The following TMEM238L variants were observed in gnomAD, a reference collection of about 807,000 sequenced individuals.
The protein encoded by TMEM238L is transmembrane protein 238-like.
chr17:10,799,390 G>C (rs1904663016), intron 1 of TMEM238L, among the ~76,000 whole-genome samples: 1 of 152,142 alleles, frequency 6.6e-6, no homozygotes, highest in South Asian at 2.1e-4. Flanking sequence ...TAGAGACGGG[G>C]TTTCACTATG....
chr17:10,800,169 T>G (rs1297085527), intron 1 of TMEM238L, among the ~76,000 whole-genome samples: 1 of 152,066 alleles, frequency 6.6e-6, no homozygotes, highest in Non-Finnish European at 1.5e-5. Flanking sequence ...CCTGACCTCG[T>G]GATCCGCCCG....
intron 1 of TMEM238L, among the ~76,000 whole-genome samples, chr17:10,797,480 C>T (rs1381223813): frequency 6.8e-6 from 1 of 146,836 alleles, no homozygotes; most frequent in East Asian, 2.0e-4. Context: ...ATCTCATCCA[C>T]ATGTCTCTAA....
chr17:10,803,880 G>A (rs776796060), exon 1 of TMEM238L: 2 of 399,774 alleles, frequency 5.0e-6, no homozygotes, highest in Non-Finnish European at 4.4e-6. Flanking sequence ...GGACCAGGCC[G>A]ACCGCGTCCA....
chr17:10,802,475 C>T (rs1181908337), intron 1 of TMEM238L: 1 of 152,290 alleles, frequency 6.6e-6, no homozygotes, highest in Admixed American at 6.5e-5. Flanking sequence ...CAGAGTGGGA[C>T]TGACTTCTCA....
intron 1 of TMEM238L, among the ~76,000 whole-genome samples, chr17:10,796,682 A>G (rs1904556786): frequency 6.6e-6 from 1 of 152,048 alleles, no homozygotes; most frequent in Non-Finnish European, 1.5e-5. Flanking sequence ...TTGATGGTCA[A>G]TTCCCCTCAC....
At chr17:10,795,096 C>G (rs1465072275) in exon 2 of TMEM238L, 1 of 152,268 alleles carries the variant, frequency 6.6e-6, no homozygotes, top group African/African-American at 2.4e-5. Flanking sequence ...GGTGGCAAAG[C>G]AGAGAACATC....
At chr17:10,799,574 T>G (rs1386822314) in intron 1 of TMEM238L, among the ~76,000 whole-genome samples, 1 of 152,194 alleles carries the variant, frequency 6.6e-6, no homozygotes, top group African/African-American at 2.4e-5. Flanking sequence ...GAGCCCACAT[T>G]CTTTCCTTTT....
At chr17:10,799,106 G>A (rs990132442) in intron 1 of TMEM238L, among the ~76,000 whole-genome samples, 2 of 152,208 alleles carry the variant, frequency 1.3e-5, no homozygotes, top group Non-Finnish European at 2.9e-5. Flanking sequence ...GAAGGCTTGT[G>A]GGGCAGCCAG....
chr17:10,794,941 T>C (rs80145441), exon 2 of TMEM238L: 1 of 152,212 alleles, frequency 6.6e-6, no homozygotes, highest in East Asian at 1.9e-4. Flanking sequence ...CAAATCTCCT[T>C]CTTTATTTAG....
exon 2 of TMEM238L, chr17:10,795,056 T>C (rs1431848440): frequency 2.0e-5 from 3 of 152,184 alleles, no homozygotes; most frequent in Non-Finnish European, 4.4e-5. Context: ...AGGGGAAATA[T>C]AAATTAGTGG....
At chr17:10,803,685 T>C in exon 1 of TMEM238L, 1 of 398,778 alleles carries the variant, frequency 2.5e-6, no homozygotes, top group Non-Finnish European at 4.4e-6. Context: ...CATGTCTGCA[T>C]ACAGCACCTG....
chr17:10,796,289 C>A (rs1426019860), intron 1 of TMEM238L, among the ~76,000 whole-genome samples: 1 of 152,214 alleles, frequency 6.6e-6, no homozygotes, highest in Non-Finnish European at 1.5e-5. Flanking sequence ...CCGATGCCTA[C>A]CTCTCTCTGC....
At chr17:10,801,638 A>G (rs561377738) in intron 1 of TMEM238L, among the ~76,000 whole-genome samples, 2 of 152,130 alleles carry the variant, frequency 1.3e-5, no homozygotes, top group East Asian at 3.9e-4. Context: ...TCTCTATTGA[A>G]TATTCTTGTG....
At chr17:10,799,323 A>G (rs1325136374) in intron 1 of TMEM238L, among the ~76,000 whole-genome samples, 1 of 152,132 alleles carries the variant, frequency 6.6e-6, no homozygotes, top group Non-Finnish European at 1.5e-5. Flanking sequence ...TCAGCCTCCC[A>G]AGTAGCTGGG....
chr17:10,798,197 C>T (rs1033692237), intron 1 of TMEM238L, among the ~76,000 whole-genome samples: 9 of 152,062 alleles, frequency 5.9e-5, no homozygotes, highest in Admixed American at 1.3e-4. Context: ...CCACACACAG[C>T]ACGCTTCCCC....
chr17:10,799,166 G>A (rs537134761), intron 1 of TMEM238L, among the ~76,000 whole-genome samples: 67 of 152,312 alleles, frequency 4.4e-4, no homozygotes, highest in African/African-American at 1.6e-3. Flanking sequence ...CTCTGGGGCA[G>A]GGTGGGGGCA....
At chr17:10,802,230 C>A (rs573439021) in intron 1 of TMEM238L, among the ~76,000 whole-genome samples, 57 of 152,248 alleles carry the variant, frequency 3.7e-4, no homozygotes, top group African/African-American at 1.3e-3. Flanking sequence ...TGAGAGACAC[C>A]AAGGTACTTC....
chr17:10,798,219 T>C (rs1904620876), intron 1 of TMEM238L, among the ~76,000 whole-genome samples: 1 of 151,966 alleles, frequency 6.6e-6, no homozygotes, highest in Admixed American at 6.6e-5. Flanking sequence ...AGCCAGGAGG[T>C]TCTGTGCCTC....
At chr17:10,803,401 G>T (rs888689594) in intron 1 of TMEM238L, among the ~76,000 whole-genome samples, 2 of 152,170 alleles carry the variant, frequency 1.3e-5, no homozygotes, top group African/African-American at 4.8e-5. Flanking sequence ...CAGCCTCTGC[G>T]AGGAAAAGGG....
Sources: gnomAD v4.1 joint callset for allele counts (sites outside exome capture counted in the v4.1 genomes callset) on GRCh38, gnomAD v4.1.1 for gene constraint, MANE v1.5 for transcripts, NCBI Gene and HGNC (gene_info 2026-07-23, HGNC 2026-07-21) for gene names.